CAMSAP2: variants seen among roughly 807,000 people sequenced by gnomAD.
CAMSAP2 encodes calmodulin-regulated spectrin-associated protein 2.
In CAMSAP2, 26 loss-of-function variants were observed where a neutral mutation model predicts 146.1. The observed-to-expected ratio is 0.18, with a 90% confidence interval of 0.13 to 0.25. The LOEUF (loss-of-function observed/expected upper bound fraction) is 0.25. Among genes scored for constraint, CAMSAP2 ranks in the 10% least tolerant of loss-of-function variants. The pLI is 1.00. For synonymous variants in CAMSAP2, 499 were observed against 596.6 expected (o/e 0.84, Z 2.38); for missense variants, 1,381 against 1,759.3 (o/e 0.78, Z 3.85).
rs1667233875 is a variant in CAMSAP2 at position 200,838,331 on chromosome 1, C to T, written c.928-3663C>T. Among the ~76,000 whole-genome samples the T allele has an allele frequency of 1.3e-5, 2 of 151,980 alleles. 1 individual carries two copies. Among genetic ancestry groups the T allele is most frequent in the Non-Finnish European group, 2.9e-5 (2 of 67,976 alleles). ...TAGGCTAGTAAAATGGAACCTAGCA[C>T]CAGTACTTAAAAACCAATTTTATAC... On this transcript the variant is annotated intron_variant, in intron 6 of 16. Transcript: ENST00000358823.
Position 200,811,900 on chromosome 1 carries a change from C to T in CAMSAP2, c.562-3661C>T, listed in dbSNP as rs994074823. Among the ~76,000 whole-genome samples, 6 of 152,126 alleles carry T rather than the reference C, an allele frequency of 3.9e-5. No individual in the cohort carries two copies. In the East Asian group the frequency reaches 1.2e-3, roughly 29 times the overall value. On this transcript the variant is annotated intron_variant, in intron 3 of 16. Coordinates refer to ENST00000358823, the MANE Select transcript of CAMSAP2 (RefSeq NM_203459.4). ...TCTTTGACTTCCTTCCCGCTATATG[C>T]CCTTTCTCACCTCTGAACCGTTGAA...
rs1287942389 is a variant in CAMSAP2, at chr1:200,849,627, C to T, written c.2858C>T (p.Pro953Leu). ...SAIAPFSSDS[P>L]RPTHPSPQSS... The stretch of plus-strand genomic sequence containing the variant: ...ATTGCACCATTCTCCTCAGACTCCC[C>T]TCGTCCTACTCACCCATCTCCACAG... Residue 953 changes from proline to leucine, a missense_variant, in exon 11 of 17, where the codon CCT (proline) becomes CTT (leucine). Transcript: ENST00000358823. This position sits in a 1 kb window ranked among gnomAD's most constrained non-coding sequence, Gnocchi z 6.3. 16 of 1,614,084 alleles carry T rather than the reference C, an allele frequency of 9.9e-6. No individual in the cohort carries two copies. The highest frequency in any genetic ancestry group is 1.3e-5 in the Non-Finnish European group (15 of 1,180,032).
At chr1:200,781,859 G>T (rs1041759955) in intron 2 of CAMSAP2, among the ~76,000 whole-genome samples, 1 of 152,084 alleles carries the variant, frequency 6.6e-6, no homozygotes, top group South Asian at 2.1e-4. Flanking sequence ...ATTACATCAT[G>T]TGTACTCTTG....
chr1:200,772,743 G>T (rs942093461), intron 2 of CAMSAP2, among the ~76,000 whole-genome samples: 4 of 152,218 alleles, frequency 2.6e-5, no homozygotes, highest in Non-Finnish European at 5.9e-5. Context: ...CTTTAAAAAT[G>T]TATTTTCATT....
At chr1:200,821,366 A>G (rs1263758368) in intron 4 of CAMSAP2, among the ~76,000 whole-genome samples, 1 of 151,942 alleles carries the variant, frequency 6.6e-6, no homozygotes, top group East Asian at 1.9e-4. Context: ...TACTTTTTGT[A>G]GAGTCAGGGT....
Position 200,848,205 on chromosome 1 carries a change from G to T in CAMSAP2, c.1436G>T (p.Gly479Val). 6.2e-7 allele frequency: 1 copy of T among 1,613,858 alleles called. No individual in the cohort carries two copies. Among genetic ancestry groups the T allele is most frequent in the Non-Finnish European group, 8.5e-7 (1 of 1,179,864 alleles). ...RKNLSFKPIN[G>V]EEEAESIEEE... ...AATTTGTCCTTCAAGCCAATAAATG[G>T]AGAAGAGGAAGCAGAGAGCATTGAA... The change falls in exon 11 of 17, where the codon GGA becomes GTA. Residue 479 changes from glycine to valine, a missense_variant. Coordinates refer to ENST00000358823, the MANE Select transcript of CAMSAP2 (RefSeq NM_203459.4).
At chr1:200,828,596 AC>A (rs1454016729) in intron 4 of CAMSAP2, 1 of 1,550,112 alleles carries the variant, frequency 6.5e-7, no homozygotes, top group Admixed American at 2.0e-5. Flanking sequence ...GGTTTTGGAA[AC>A]TGGTTCCAGT....
At chr1:200,847,550 A>G (rs1439687413) in intron 9 of CAMSAP2, 90 bp from the exon 10 acceptor site, 5 of 1,019,046 alleles carry the variant, frequency 4.9e-6, no homozygotes, top group Non-Finnish European at 7.6e-6. Flanking sequence ...ATTGCTATTA[A>G]TGAATCCTCA....
At chr1:200,796,057 T>G (rs182379988) in intron 2 of CAMSAP2, among the ~76,000 whole-genome samples, 11 of 152,326 alleles carry the variant, frequency 7.2e-5, no homozygotes, top group Admixed American at 5.2e-4. Context: ...GAGAGGTATT[T>G]TGAATCTCAT....
At chr1:200,782,414 A>G (rs1165687359) in intron 2 of CAMSAP2, among the ~76,000 whole-genome samples, 2 of 152,194 alleles carry the variant, frequency 1.3e-5, no homozygotes, top group African/African-American at 4.8e-5. Flanking sequence ...TGAGATATAG[A>G]ACATAATAAC....
At chr1:200,794,896 T>C (rs1665844737) in intron 2 of CAMSAP2, among the ~76,000 whole-genome samples, 1 of 152,252 alleles carries the variant, frequency 6.6e-6, no homozygotes, top group South Asian at 2.1e-4. Context: ...TGTGTGACTT[T>C]TGAGTGATTC....
intron 10 of CAMSAP2, 110 bp from the exon 11 acceptor site, chr1:200,847,922 A>G (rs1667504122): frequency 1.1e-6 from 1 of 890,556 alleles, no homozygotes; most frequent in Non-Finnish European, 1.7e-6. Context: ...CAGTATGATT[A>G]TGAGAACTGG....
chr1:200,828,555 C>T (rs1278662966), intron 4 of CAMSAP2: 1 of 1,549,034 alleles, frequency 6.5e-7, no homozygotes, highest in Non-Finnish European at 8.7e-7. Context: ...CCCTTTTTTC[C>T]CGCTGCTTCC....
intron 2 of CAMSAP2, among the ~76,000 whole-genome samples, chr1:200,778,510 A>G (rs969562508): frequency 1.3e-5 from 2 of 152,184 alleles, no homozygotes; most frequent in African/African-American, 4.8e-5. Context: ...TCAAATACTC[A>G]TAGGGAAAAG....
At chr1:200,825,628 T>A (rs889514656) in intron 4 of CAMSAP2, among the ~76,000 whole-genome samples, 3 of 151,784 alleles carry the variant, frequency 2.0e-5, no homozygotes, top group Non-Finnish European at 4.4e-5. Context: ...TGCCTCAGCC[T>A]CCCAAGTAAC....
chr1:200,821,202 A>G (rs1334548391), intron 4 of CAMSAP2, among the ~76,000 whole-genome samples: 10 of 143,540 alleles, frequency 7.0e-5, no homozygotes, highest in African/African-American at 2.3e-4. Context: ...TTCCTTTTGG[A>G]GACAGGGTCT....
intron 4 of CAMSAP2, among the ~76,000 whole-genome samples, chr1:200,820,926 A>G (rs1188588024): frequency 6.6e-6 from 1 of 152,152 alleles, no homozygotes; most frequent in Non-Finnish European, 1.5e-5. Flanking sequence ...TTTAACGTAT[A>G]ATTTTGTACT....
intron 2 of CAMSAP2, among the ~76,000 whole-genome samples, chr1:200,791,050 G>A (rs1171735596): frequency 1.3e-5 from 2 of 152,094 alleles, no homozygotes; most frequent in South Asian, 2.1e-4. Flanking sequence ...TCACCATGTT[G>A]GTCAGGCTGG....
rs775595669 is a variant in CAMSAP2, at chr1:200,853,399, C to A, written c.3727C>A (p.Pro1243Thr). The A allele has an allele frequency of 6.2e-7, 1 of 1,613,832 alleles. No individual in the cohort carries two copies. The highest frequency in any genetic ancestry group is 2.2e-5 in the East Asian group (1 of 44,816). The change falls in exon 13 of 17, where the codon CCC (proline) becomes ACC (threonine). Residue 1243 changes from proline (P) to threonine (T), a missense_variant. Coordinates refer to ENST00000358823, the MANE Select transcript of CAMSAP2 (RefSeq NM_203459.4). This position sits in a 1 kb window ranked among gnomAD's most constrained non-coding sequence, Gnocchi z 5.1. ...LMEDMDTVIK[P>T]RPQVVKQKKQ... ...GGAAGATATGGATACAGTAATTAAA[C>A]CCCGTCCTCAAGTAGTAAAACAAAA...
Sources: gnomAD v4.1 joint callset for allele counts (sites outside exome capture counted in the v4.1 genomes callset) on GRCh38, gnomAD v4.1.1 for gene constraint, Gnocchi (gnomAD v3.1) non-coding constraint, MANE v1.5 for transcripts, NCBI Gene and HGNC (gene_info 2026-07-23, HGNC 2026-07-21) for gene names.